Variants in FRMD4A observed in about 807,000 individuals in gnomAD.
FRMD4A encodes FERM domain containing 4A, also known as FERM domain-containing protein 4A.
In FRMD4A, 29 loss-of-function variants were observed where a neutral mutation model predicts 129.1. The ratio of observed to expected loss-of-function variants is 0.22; its 90% CI spans 0.17 to 0.31. The LOEUF is 0.31. Among genes scored for constraint, FRMD4A ranks in the 10% least tolerant of loss-of-function variants. The pLI, the probability that FRMD4A is intolerant of heterozygous loss-of-function variation, is 1.00. For missense variants in FRMD4A, 1,272 were observed against 1,375.8 expected (o/e 0.92, Z 1.19); for synonymous variants, 634 against 571.6 (o/e 1.11, Z -1.56).
intron 2 of FRMD4A, among the ~76,000 whole-genome samples, chr10:13,878,772 A>G (rs1389844521): frequency 7.5e-6 from 1 of 134,020 alleles, no homozygotes; most frequent in Non-Finnish European, 1.6e-5. Flanking sequence ...AAAGAAAAGA[A>G]AGAGAGAGAG....
chr10:14,190,937 T>C (rs1463601439), intron 2 of FRMD4A, among the ~76,000 whole-genome samples: 1 of 152,174 alleles, frequency 6.6e-6, no homozygotes, highest in Non-Finnish European at 1.5e-5. Context: ...TGGAGGAAGT[T>C]AGTGTGAAAC....
At chr10:13,749,465 A>C (rs549072784) in intron 8 of FRMD4A, among the ~76,000 whole-genome samples, 2 of 152,276 alleles carry the variant, frequency 1.3e-5, no homozygotes, top group African/African-American at 4.8e-5. Flanking sequence ...TGGATGGTGG[A>C]CACTCCAGCA....
At chr10:13,969,839 C>T (rs530451780) in intron 2 of FRMD4A, among the ~76,000 whole-genome samples, 55 of 152,270 alleles carry the variant, frequency 3.6e-4, no homozygotes, top group African/African-American at 1.3e-3. Context: ...AGAGCAATAA[C>T]CTGTTCCCTC....
chr10:14,135,571 CA>C (rs1839490295), intron 2 of FRMD4A, among the ~76,000 whole-genome samples: 1 of 152,168 alleles, frequency 6.6e-6, no homozygotes. Context: ...AAATTTAATT[CA>C]GCTGAAGTTT....
intron 3 of FRMD4A, among the ~76,000 whole-genome samples, chr10:13,841,369 A>C (rs999161299): frequency 6.6e-6 from 1 of 152,142 alleles, no homozygotes; most frequent in African/African-American, 2.4e-5. Context: ...AACCCTTTGG[A>C]TCACCCCTGA....
At chr10:14,010,664 C>CTTTTTTTTTTTTTTTTTTTTTTTTTT (rs779471389) in intron 2 of FRMD4A, among the ~76,000 whole-genome samples, 2 of 76,426 alleles carry the variant, frequency 2.6e-5, no homozygotes, top group African/African-American at 4.4e-5. Context: ...GAGTTTAGGT[C>CTTTTTTTTTTTTTTTTTTTTTTTTTT]TTTTTTTTTT....
chr10:13,992,669 G>A (rs568430610), intron 2 of FRMD4A, among the ~76,000 whole-genome samples: 4 of 152,204 alleles, frequency 2.6e-5, no homozygotes, highest in East Asian at 1.9e-4. Flanking sequence ...AAGATCTAGT[G>A]TAGGCCAGGC....
intron 2 of FRMD4A, among the ~76,000 whole-genome samples, chr10:14,030,630 G>T (rs1833194331): frequency 6.6e-6 from 1 of 152,216 alleles, no homozygotes; most frequent in Non-Finnish European, 1.5e-5. Flanking sequence ...CTAGTTAAAG[G>T]CTGGCCTGTC....
At chr10:13,885,474 C>A (rs1245532424) in intron 2 of FRMD4A, among the ~76,000 whole-genome samples, 1 of 152,208 alleles carries the variant, frequency 6.6e-6, no homozygotes, top group Non-Finnish European at 1.5e-5. Flanking sequence ...GGGACACCAG[C>A]CTTGGCGCAG....
At chr10:13,895,774 C>T (rs1233360068) in intron 2 of FRMD4A, among the ~76,000 whole-genome samples, 1 of 152,028 alleles carries the variant, frequency 6.6e-6, no homozygotes, top group Non-Finnish European at 1.5e-5. Flanking sequence ...ACCCATCTGA[C>T]AAAGGTCCAA....
rs147358262 is a variant in FRMD4A, at chr10:14,180,125, T to C, written c.45+149933A>G. Among the ~76,000 whole-genome samples, 268 of 152,300 alleles carry C rather than the reference T, an allele frequency of 1.8e-3. 4 individuals are homozygous for C. The highest frequency in any genetic ancestry group is 3.9e-4 in the East Asian group (2 of 5,188). ...TCCCATGAGATGTGGCAGGTATTCA[T>C]TTTCATTTTATAAGATTGGAGAGGT... On this transcript the variant is annotated intron_variant, in intron 2 of 24. Coordinates refer to ENST00000357447, the MANE Select transcript of FRMD4A (RefSeq NM_018027.5).
At chr10:14,260,346 CA>C in intron 2 of FRMD4A, among the ~76,000 whole-genome samples, 2 of 152,290 alleles carry the variant, frequency 1.3e-5, no homozygotes, top group East Asian at 3.9e-4. Context: ...AACTATCCAG[CA>C]GAGAAAGACT....
At chr10:14,214,832 T>C (rs1843025847) in intron 2 of FRMD4A, among the ~76,000 whole-genome samples, 1 of 152,226 alleles carries the variant, frequency 6.6e-6, no homozygotes, top group South Asian at 2.1e-4. Context: ...AAAACCTGCT[T>C]TGTATTGTGC....
intron 9 of FRMD4A, among the ~76,000 whole-genome samples, chr10:13,746,701 T>G (rs1469356271): frequency 6.6e-6 from 1 of 152,220 alleles, no homozygotes; most frequent in Non-Finnish European, 1.5e-5. Flanking sequence ...GCTTTTTGTT[T>G]TGCTTTTAAA....
At chr10:13,652,997 G>A (rs978005445) in intron 23 of FRMD4A, 2 of 151,958 alleles carry the variant, frequency 1.3e-5, no homozygotes, top group Non-Finnish European at 2.9e-5. Flanking sequence ...CCCTCCAGCT[G>A]TCAGACTTTG....
chr10:14,147,406 G>A (rs766704175), intron 2 of FRMD4A, among the ~76,000 whole-genome samples: 11 of 152,132 alleles, frequency 7.2e-5, no homozygotes, highest in African/African-American at 1.2e-4. Context: ...CGTGGACTGG[G>A]GAGAGGGGAA....
chr10:14,276,425 G>A (rs925626772), intron 2 of FRMD4A, among the ~76,000 whole-genome samples: 4 of 152,182 alleles, frequency 2.6e-5, no homozygotes, highest in South Asian at 2.1e-4. Flanking sequence ...CTCACCACAC[G>A]TCTTTTGCTT....
intron 8 of FRMD4A, among the ~76,000 whole-genome samples, chr10:13,748,039 A>G (rs2091379056): frequency 6.6e-6 from 1 of 152,240 alleles, no homozygotes. Context: ...CCGTGCAGAA[A>G]GCAGGGCAAA....
intron 5 of FRMD4A, among the ~76,000 whole-genome samples, chr10:13,793,896 G>C (rs1205532050): frequency 6.6e-6 from 1 of 152,180 alleles, no homozygotes; most frequent in Non-Finnish European, 1.5e-5. Flanking sequence ...TCCTCTCTTA[G>C]AGAAAACAAA....
Sources: allele counts gnomAD v4.1 joint callset (sites outside exome capture counted in the v4.1 genomes callset), GRCh38; gene constraint gnomAD v4.1.1; transcripts MANE v1.5; gene names NCBI Gene and HGNC (gene_info 2026-07-23, HGNC 2026-07-21).